Variants in PLPPR5 observed in about 807,000 individuals in gnomAD.
PLPPR5 encodes the protein phospholipid phosphatase-related protein type 5.
PLPPR5 carries 16 observed loss-of-function variants against 33.9 expected under a neutral mutation model. The ratio of observed to expected loss-of-function variants is 0.47; its 90% CI spans 0.32 to 0.72. The LOEUF (loss-of-function observed/expected upper bound fraction) is 0.72. PLPPR5 is among the 30% of genes least tolerant of loss of function. The pLI, the probability that PLPPR5 is intolerant of heterozygous loss-of-function variation, is 0.03. For synonymous variants in PLPPR5, 163 were observed against 150.3 expected (o/e 1.08, Z -0.62); for missense variants, 301 against 406.7 (o/e 0.74, Z 2.23).
chr1:99,004,600 C>A lies in PLPPR5; in HGVS notation c.72G>T (p.Val24=). 6.2e-7 allele frequency: 1 copy of A among 1,613,072 alleles called. No individual in the cohort carries two copies. Among genetic ancestry groups the A allele is most frequent in the East Asian group, 2.2e-5 (1 of 44,820 alleles). Residue 24 remains valine, a synonymous_variant, in exon 1 of 6, where the codon GTG becomes GTT. Transcript: ENST00000263177. ...YFQMVIMAGT[V]MLAYYFEYTD... ...TATACTCGAAGTAGTACGCCAGCAT[C>A]ACCGTCCCTGCCATGATCACCATCT...
intron 1 of PLPPR5, among the ~76,000 whole-genome samples, chr1:98,959,028 C>T (rs1651128430): frequency 6.6e-6 from 1 of 152,128 alleles, no homozygotes; most frequent in Non-Finnish European, 1.5e-5. Flanking sequence ...TTATTTAATG[C>T]ATAAAGGAAT....
intron 3 of PLPPR5, among the ~76,000 whole-genome samples, chr1:98,937,692 A>C (rs309056): frequency 0.36 from 54,897 of 151,968 alleles, 10,058 homozygotes; most frequent in Non-Finnish European, 0.4. Flanking sequence ...CAGCCTTTGA[A>C]TCTTCCCAGT....
At chr1:98,996,935 A>G (rs1327049871) in intron 1 of PLPPR5, among the ~76,000 whole-genome samples, 1 of 152,178 alleles carries the variant, frequency 6.6e-6, no homozygotes, top group Non-Finnish European at 1.5e-5. Context: ...ACTGCAGCCA[A>G]CAGAGCATTG....
Position 99,004,466 on chromosome 1 carries a change from T to C in PLPPR5, c.206A>G (p.Tyr69Cys), listed in dbSNP as rs1652993538. The C allele has an allele frequency of 1.2e-6, 2 of 1,610,674 alleles. No homozygotes were observed. The highest frequency in any genetic ancestry group is 1.3e-5 in the African/African-American group (1 of 74,748). Residue 69 changes from tyrosine (Y) to cysteine (C), a missense_variant, in exon 1 of 6, where the codon TAC (tyrosine) becomes TGC (cysteine). By Grantham distance (194) the Tyr-to-Cys change is radical. Transcript: ENST00000263177. ...CACGGGGACCCCGGCGGCCAGCGAG[T>C]AGAGGAGCACGGGGGGCACGGCGCT... The part of the protein sequence containing the change: ...DSSAVPPVLL[Y>C]SLAAGVPVLV...
intron 1 of PLPPR5, among the ~76,000 whole-genome samples, chr1:98,996,627 A>C (rs1371303590): frequency 6.6e-6 from 1 of 152,104 alleles, no homozygotes. Context: ...GGTGCTGCTA[A>C]CTATAGGTTA....
intron 1 of PLPPR5, among the ~76,000 whole-genome samples, chr1:98,979,904 G>A (rs767895140): frequency 6.6e-6 from 1 of 151,978 alleles, no homozygotes; most frequent in Non-Finnish European, 1.5e-5. Context: ...GTTCCAGGCT[G>A]CCCTCATATC....
chr1:98,960,396 G>A (rs544326883), intron 1 of PLPPR5, among the ~76,000 whole-genome samples: 51 of 152,090 alleles, frequency 3.4e-4, no homozygotes, highest in Non-Finnish European at 6.0e-4. Flanking sequence ...TAGAGATGGG[G>A]TTTCACCATG....
chr1:98,993,764 T>C (rs1478819696), intron 1 of PLPPR5, among the ~76,000 whole-genome samples: 1 of 152,072 alleles, frequency 6.6e-6, no homozygotes, highest in African/African-American at 2.4e-5. Flanking sequence ...TAAAAAGTGC[T>C]TCTATGAACC....
chr1:98,905,857 T>C (rs1648876014), intron 5 of PLPPR5, among the ~76,000 whole-genome samples: 1 of 152,184 alleles, frequency 6.6e-6, no homozygotes, highest in African/African-American at 2.4e-5. Flanking sequence ...TGATATTTTA[T>C]GGTTATTTTA....
intron 3 of PLPPR5, among the ~76,000 whole-genome samples, chr1:98,937,713 A>C (rs1393364994): frequency 6.6e-6 from 1 of 152,218 alleles, no homozygotes; most frequent in African/African-American, 2.4e-5. Flanking sequence ...TAAGGTTGGA[A>C]ACACCATGGA....
Position 98,944,087 on chromosome 1 carries a change from C to A in PLPPR5, c.621+8983G>T, listed in dbSNP as rs541347035. On this transcript the variant is annotated intron_variant, in intron 3 of 5. Coordinates refer to ENST00000263177, the MANE Select transcript of PLPPR5 (RefSeq NM_001037317.2). ...TGCTGACAAGATAAACAAGAGTTGG[C>A]TAGCACACTGTAGGCCTTGGTAAGA... Among the ~76,000 whole-genome samples, 28 of 152,304 alleles carry A rather than the reference C, an allele frequency of 1.8e-4. 1 individual carries two copies. The South Asian group carries it at 5.6e-3, about 30-fold the overall frequency.
chr1:99,001,854 G>C (rs947462922), intron 1 of PLPPR5, among the ~76,000 whole-genome samples: 8 of 151,530 alleles, frequency 5.3e-5, no homozygotes, highest in African/African-American at 1.9e-4. Context: ...AATTCTGGGT[G>C]TAACATTCTT....
At chr1:98,936,145 T>A (rs1240007902) in intron 3 of PLPPR5, among the ~76,000 whole-genome samples, 1 of 152,178 alleles carries the variant, frequency 6.6e-6, no homozygotes. Context: ...ATTATAATAG[T>A]ACCTATGGAA....
chr1:99,005,391 G>A (rs540517931), upstream of PLPPR5, among the ~76,000 whole-genome samples: 235 of 152,290 alleles, frequency 1.5e-3, no homozygotes, highest in Non-Finnish European at 2.8e-3. Context: ...CGGGGCTGGA[G>A]CCTGGCGGTG....
chr1:98,928,585 A>G (rs1247429710), intron 3 of PLPPR5, among the ~76,000 whole-genome samples: 2 of 143,210 alleles, frequency 1.4e-5, no homozygotes, highest in Admixed American at 6.9e-5. Context: ...TTCACTTTCT[A>G]TTTCTATTGA....
intron 3 of PLPPR5, 38 bp from the exon 4 acceptor site, chr1:98,922,096 G>A: frequency 6.3e-7 from 1 of 1,588,774 alleles, no homozygotes; most frequent in Non-Finnish European, 8.6e-7. Context: ...TTTCATGAAG[G>A]TATTTCCTTT....
At chr1:98,969,156 G>C (rs1192035431) in intron 1 of PLPPR5, among the ~76,000 whole-genome samples, 2 of 151,898 alleles carry the variant, frequency 1.3e-5, no homozygotes, top group African/African-American at 4.8e-5. Flanking sequence ...GGTAGAGCTA[G>C]CATCTCAGAA....
At chr1:98,900,481 T>C (rs1000705813) in intron 5 of PLPPR5, among the ~76,000 whole-genome samples, 3 of 152,164 alleles carry the variant, frequency 2.0e-5, no homozygotes, top group Admixed American at 1.3e-4. Flanking sequence ...AGACATATCA[T>C]AGTGCTCTGT....
intron 3 of PLPPR5, among the ~76,000 whole-genome samples, chr1:98,947,131 T>C (rs747977161): frequency 2.0e-5 from 3 of 152,188 alleles, no homozygotes; most frequent in Non-Finnish European, 2.9e-5. Context: ...CACATAAATA[T>C]AATTCTGACA....
Sources: allele counts gnomAD v4.1 joint callset (sites outside exome capture counted in the v4.1 genomes callset), GRCh38; gene constraint gnomAD v4.1.1; transcripts MANE v1.5; gene names NCBI Gene and HGNC (gene_info 2026-07-23, HGNC 2026-07-21).